The following ADAMTS5 variants were observed in gnomAD, a reference collection of about 807,000 sequenced individuals.
ADAMTS5 encodes A disintegrin and metalloproteinase with thrombospondin motifs 5.
ADAMTS5 carries 54 observed loss-of-function variants against 81.4 expected under a neutral mutation model. The ratio of observed to expected loss-of-function variants is 0.66; its 90% CI spans 0.53 to 0.83. The LOEUF is 0.83. Ranked by LOEUF, ADAMTS5 falls within the 40% of genes least tolerant of loss-of-function variation. ADAMTS5 has a pLI of 0.00. For missense variants in ADAMTS5, 1,194 were observed against 1,229.9 expected (o/e 0.97, Z 0.44); for synonymous variants, 532 against 508.8 (o/e 1.05, Z -0.61).
chr21:26,965,592 C>A lies in ADAMTS5; in HGVS notation c.800G>T (p.Arg267Leu), dbSNP rs747513616. 1.9e-6 allele frequency: 3 copies of A among 1,604,026 alleles called. No individual in the cohort carries two copies. Among genetic ancestry groups the A allele is most frequent in the East Asian group, 2.2e-5 (1 of 44,564 alleles). Reference protein sequence around the residue: ...RRRRRSISRARQVELLLVADA... With the variant: ...RRRRRSISRALQVELLLVADA... Reference sequence around the variant, plus strand: ...AGCCACCAGAAGCAGCTCCACCTGGCGGGCCCGGGAGATGGAGCGGCGCCG... The same window carrying A: ...AGCCACCAGAAGCAGCTCCACCTGGAGGGCCCGGGAGATGGAGCGGCGCCG... Residue 267 changes from arginine (R) to leucine (L), a missense_variant, in exon 1 of 8, where the codon CGC becomes CTC. By Grantham distance (102) the Arg-to-Leu change is moderately radical (BLOSUM62 -2). Around this residue, in one of 2 missense-constraint regions of ADAMTS5, gnomAD observed 498 missense variants for 412.3 expected, o/e 1.21. Transcript: ENST00000284987.
intron 1 of ADAMTS5, among the ~76,000 whole-genome samples, chr21:26,960,063 T>C (rs1446835303): frequency 1.3e-5 from 2 of 152,204 alleles, no homozygotes; most frequent in Non-Finnish European, 2.9e-5. Flanking sequence ...TGTGCATATC[T>C]CATGAATATT....
Position 26,932,906 on chromosome 21 carries a change from T to A in ADAMTS5, c.1828A>T (p.Arg610Trp). 6.2e-7 allele frequency: 1 copy of A among 1,613,870 alleles called. No individual in the cohort carries two copies. Among genetic ancestry groups the A allele is most frequent in the Non-Finnish European group, 8.5e-7 (1 of 1,179,932 alleles). The change falls in exon 5 of 8, where the codon AGG (arginine) becomes TGG (tryptophan). Residue 610 changes from arginine to tryptophan, a missense_variant. This residue lies in a region of ADAMTS5 where 696 missense variants were observed against 817.6 expected (regional missense o/e 0.85). Transcript: ENST00000284987. ...RNNGRYCTGK[R>W]AIYRSCSLMP... Reference sequence around the variant, plus strand: ...AGACTGCAGGAGCGGTAGATGGCCCTCTTCCCTGTGCAGTAGCGTCCGTTG... The same window carrying A: ...AGACTGCAGGAGCGGTAGATGGCCCACTTCCCTGTGCAGTAGCGTCCGTTG...
chr21:26,929,881 A>G lies in ADAMTS5; in HGVS notation c.2225+5T>C. The G allele has an allele frequency of 1.2e-6, 2 of 1,613,176 alleles. No homozygotes were observed. The highest frequency in any genetic ancestry group is 1.7e-6 in the Non-Finnish European group (2 of 1,179,348). ...CACATAAAGACAAAGGTTCTATCATATTACCTTTTCTTATTAAAGGTTCCA... is the reference window on the plus strand; with the variant it reads ...CACATAAAGACAAAGGTTCTATCATGTTACCTTTTCTTATTAAAGGTTCCA... On this transcript the variant is annotated splice_donor_5th_base_variant and intron_variant, in intron 7 of 7. Coordinates refer to ENST00000284987, the MANE Select transcript of ADAMTS5 (RefSeq NM_007038.5).
chr21:26,964,525 G>A (rs946567395), intron 1 of ADAMTS5, among the ~76,000 whole-genome samples: 6 of 152,158 alleles, frequency 3.9e-5, no homozygotes, highest in Admixed American at 6.5e-5. Flanking sequence ...ACCCAAACAC[G>A]CAAACGGGAT....
At position 26,918,064 on chromosome 21, in the gene ADAMTS5, G is replaced by A. The variant is rs76038321; in HGVS notation, c.*5989C>T. 2.6e-5 allele frequency: 4 copies of A among 152,378 alleles called. No individual in the cohort carries two copies. The highest frequency in any genetic ancestry group is 3.9e-4 in the East Asian group (2 of 5,164). The allele number at this position is 152,378 out of a possible 1,614,324, so 9.4% of individuals were successfully genotyped here. A position where few individuals can be genotyped will look rare whatever the true frequency, so the allele number is the denominator to read the frequency against. ...AAATATTACAGTATAGGTCCCAAACGGCTCAGTTCAAGTCTTTTACCTGAA... is the reference window on the plus strand; with the variant it reads ...AAATATTACAGTATAGGTCCCAAACAGCTCAGTTCAAGTCTTTTACCTGAA... On this transcript the variant is annotated 3_prime_UTR_variant, in exon 8 of 8. Transcript: ENST00000284987.
chr21:26,937,542 A>G (rs909147603), intron 3 of ADAMTS5, among the ~76,000 whole-genome samples: 3 of 152,250 alleles, frequency 2.0e-5, no homozygotes, highest in African/African-American at 7.2e-5. Flanking sequence ...AGGTACAAGC[A>G]TCTCTACCAA....
intron 2 of ADAMTS5, among the ~76,000 whole-genome samples, chr21:26,951,001 A>G (rs1433262271): frequency 1.3e-5 from 2 of 152,174 alleles, no homozygotes; most frequent in African/African-American, 2.4e-5. Context: ...GACTACAGGC[A>G]TGCACCACCA....
At chr21:26,933,619 G>A (rs1986955997) in intron 4 of ADAMTS5, among the ~76,000 whole-genome samples, 1 of 152,178 alleles carries the variant, frequency 6.6e-6, no homozygotes, top group African/African-American at 2.4e-5. Flanking sequence ...ATGCACTCAC[G>A]CCATACATGC....
At chr21:26,959,325 C>A (rs1466601723) in intron 1 of ADAMTS5, among the ~76,000 whole-genome samples, 2 of 152,098 alleles carry the variant, frequency 1.3e-5, no homozygotes, top group African/African-American at 4.8e-5. Flanking sequence ...CAGGTCATCT[C>A]TAGGGTTTGT....
rs892825774 is a variant in ADAMTS5 at position 26,923,127 on chromosome 21, A to C, written c.*926T>G. The C allele has an allele frequency of 1.3e-5, 2 of 152,208 alleles. No individual in the cohort carries two copies. Among genetic ancestry groups the C allele is most frequent in the African/African-American group, 4.8e-5 (2 of 41,454 alleles). The allele number at this position is 152,208 out of a possible 1,614,324, so 9.4% of individuals were successfully genotyped here. ...CGTATATCATACATTGTGAGATATC[A>C]GATGAAAGCTCTGGAGAGAGAAAGT... On this transcript the variant is annotated 3_prime_UTR_variant, in exon 8 of 8. Transcript: ENST00000284987.
In ADAMTS5 at chr21:26,965,655, G is replaced by A; in HGVS notation, c.737C>T (p.Pro246Leu). Residue 246 changes from proline (P) to leucine (L), a missense_variant, in exon 1 of 8, where the codon CCC becomes CTC. Physicochemically the swap from Pro to Leu is moderately conservative, Grantham distance 98 (BLOSUM62 -3). This residue lies in a region of ADAMTS5 where 498 missense variants were observed against 412.3 expected (regional missense o/e 1.21). Coordinates refer to ENST00000284987, the MANE Select transcript of ADAMTS5 (RefSeq NM_007038.5). ...CGTCTGCGGTCCTGAGCCCCCAGCG[G>A]GCGAGAGAGCGGACTGGTCCAAGAG... Reference protein sequence around the residue: ...SQLLDQSALSPAGGSGPQTWW... With the variant: ...SQLLDQSALSLAGGSGPQTWW... 6.3e-7 allele frequency: 1 copy of A among 1,593,508 alleles called. No homozygotes were observed.
At position 26,951,679 on chromosome 21, in the gene ADAMTS5, C is replaced by CAAA. The variant is rs58060427; in HGVS notation, c.1237+3057_1237+3059dup. ...GGGCAACAAGAGTGACCCTCCATCT[C>CAAA]AAAAAAAAAAAAAAAAAAAAAAAAA... On this transcript the variant is annotated intron_variant, in intron 2 of 7. Transcript: ENST00000284987. Among the ~76,000 whole-genome samples the CAAA allele has an allele frequency of 1.5e-4, 7 of 46,628 alleles. 1 individual carries two copies. Among genetic ancestry groups the CAAA allele is most frequent in the East Asian group, 8.9e-4 (1 of 1,128 alleles). 30.6% of individuals were successfully genotyped at this position (46,628 alleles called of 152,430 possible).
chr21:26,947,762 T>C (rs191118766), intron 2 of ADAMTS5, among the ~76,000 whole-genome samples: 10 of 152,330 alleles, frequency 6.6e-5, no homozygotes, highest in Admixed American at 2.0e-4. Context: ...TTTGAAATAA[T>C]TAGTAAAAGC....
At chr21:26,955,543 G>C (rs1193178545) in intron 1 of ADAMTS5, among the ~76,000 whole-genome samples, 3 of 152,174 alleles carry the variant, frequency 2.0e-5, no homozygotes, top group East Asian at 3.9e-4. Flanking sequence ...AAAAGTCATA[G>C]TTTTTCATAG....
Position 26,965,320 on chromosome 21 carries a change from G to A in ADAMTS5, c.1072C>T (p.His358Tyr). 6.2e-7 allele frequency: 1 copy of A among 1,614,140 alleles called. No individual in the cohort carries two copies. Among genetic ancestry groups the A allele is most frequent in the Non-Finnish European group, 8.5e-7 (1 of 1,179,992 alleles). ...GTAAACAGGATAGCTGCATCGTAGT[G>A]CTCCTCATGGTCATCTCCCAGCTGG... ...HNQLGDDHEE[H>Y]YDAAILFTRE... is the part of the protein sequence containing the mutation. The change falls in exon 1 of 8, where the codon CAC becomes TAC. Residue 358 changes from histidine (H) to tyrosine (Y), a missense_variant. Around this residue, in one of 2 missense-constraint regions of ADAMTS5, gnomAD observed 696 missense variants for 817.6 expected, o/e 0.85. Transcript: ENST00000284987.
intron 7 of ADAMTS5, among the ~76,000 whole-genome samples, chr21:26,927,715 A>G (rs1335990090): frequency 6.6e-6 from 1 of 152,130 alleles, no homozygotes; most frequent in Non-Finnish European, 1.5e-5. Flanking sequence ...GGTTTAGGTA[A>G]TAGCCATGGC....
chr21:26,952,784 G>A (rs934655811), intron 2 of ADAMTS5, among the ~76,000 whole-genome samples: 2 of 152,184 alleles, frequency 1.3e-5, no homozygotes, highest in Non-Finnish European at 2.9e-5. Flanking sequence ...TGCCTTTCCA[G>A]GGACTTAGAA....
In ADAMTS5 at chr21:26,932,117, C is replaced by T. The variant is rs540552109; in HGVS notation, c.1936G>A (p.Val646Ile). The T allele has an allele frequency of 9.9e-6, 16 of 1,614,218 alleles. No individual in the cohort carries two copies. In the African/African-American group the frequency reaches 1.7e-4, roughly 17 times the overall value. Residue 646 changes from valine to isoleucine, a missense_variant, in exon 6 of 8, where the codon GTC becomes ATC. Physicochemically the swap from Val to Ile is conservative, Grantham distance 29 (BLOSUM62 3). Coordinates refer to ENST00000284987, the MANE Select transcript of ADAMTS5 (RefSeq NM_007038.5). ...GGAACCCATTCCACAAAAGTTTTGA[C>T]TCCTTTTGCATCAGACTGATAGCCA... ...KNGYQSDAKG[V>I]KTFVEWVPKY...
intron 3 of ADAMTS5, among the ~76,000 whole-genome samples, chr21:26,934,959 G>A (rs1221446652): frequency 6.6e-6 from 1 of 152,084 alleles, no homozygotes; most frequent in African/African-American, 2.4e-5. Flanking sequence ...GGAGTGATGC[G>A]CTCCGGAGTG....
Sources: gnomAD v4.1 joint callset for allele counts (sites outside exome capture counted in the v4.1 genomes callset) on GRCh38, gnomAD v4.1.1 for gene constraint, gnomAD v4.1.1 regional missense constraint, MANE v1.5 for transcripts, NCBI Gene and HGNC (gene_info 2026-07-23, HGNC 2026-07-21) for gene names.